STIM1: variants seen among roughly 807,000 people sequenced by gnomAD.
STIM1 encodes the protein stromal interaction molecule 1.
STIM1 carries 25 observed loss-of-function variants against 74.7 expected under a neutral mutation model. The observed-to-expected ratio is 0.33, with a 90% confidence interval of 0.24 to 0.47. STIM1 has a LOEUF of 0.47. Among genes scored for constraint, STIM1 ranks in the 20% least tolerant of loss-of-function variants. The pLI is 1.00. For synonymous variants in STIM1, 328 were observed against 348.8 expected (o/e 0.94, Z 0.66); for missense variants, 728 against 920.8 (o/e 0.79, Z 2.71).
At chr11:3,899,282 T>C (rs1376749360) in intron 1 of STIM1, among the ~76,000 whole-genome samples, 1 of 152,130 alleles carries the variant, frequency 6.6e-6, no homozygotes, top group Non-Finnish European at 1.5e-5. Flanking sequence ...GAAGCAATTG[T>C]GAATGGGAGT....
intron 1 of STIM1, among the ~76,000 whole-genome samples, chr11:3,895,939 C>G (rs1030568011): frequency 2.8e-5 from 4 of 143,920 alleles, no homozygotes; most frequent in African/African-American, 7.9e-5. Flanking sequence ...GAGTCTTGCT[C>G]TGTTGCCCAG....
chr11:3,942,700 T>A (rs1012627325), intron 1 of STIM1, among the ~76,000 whole-genome samples: 1 of 152,226 alleles, frequency 6.6e-6, no homozygotes, highest in African/African-American at 2.4e-5. Context: ...ATCTTTATCT[T>A]TGGCCAGCTG....
Position 4,035,959 on chromosome 11 carries a change from G to A in STIM1, c.385+11972G>A, listed in dbSNP as rs542062773. Reference sequence around the variant, plus strand: ...TGGTGGTTTTCTGCACAGATAACCCGTCACCTAGGTGTTTAGCCCTGCAGC... The same window carrying A: ...TGGTGGTTTTCTGCACAGATAACCCATCACCTAGGTGTTTAGCCCTGCAGC... On this transcript the variant is annotated intron_variant, in intron 3 of 12. Coordinates refer to ENST00000526596, the MANE Select transcript of STIM1 (RefSeq NM_001382567.1). Among the ~76,000 whole-genome samples the A allele has an allele frequency of 4.6e-5, 7 of 150,646 alleles. No individual in the cohort carries two copies. In the East Asian group the frequency reaches 5.9e-4, roughly 13 times the overall value.
At chr11:3,856,633 T>A (rs2135173367) in intron 1 of STIM1, among the ~76,000 whole-genome samples, 1 of 152,356 alleles carries the variant, frequency 6.6e-6, no homozygotes, top group East Asian at 1.9e-4. Context: ...CACTCAGGAT[T>A]TTTTTTGTTG....
chr11:3,885,262 T>C (rs1403784318), intron 1 of STIM1, among the ~76,000 whole-genome samples: 1 of 152,098 alleles, frequency 6.6e-6, no homozygotes, highest in Non-Finnish European at 1.5e-5. Context: ...CACTGCAGCC[T>C]TGACCTCCCG....
chr11:3,989,463 C>A, intron 2 of STIM1: 1 of 689,278 alleles, frequency 1.5e-6, no homozygotes, highest in Non-Finnish European at 2.7e-6. Context: ...TCTTAGGCAT[C>A]CTGGCGGCGT....
At chr11:4,029,080 C>T (rs540902950) in intron 3 of STIM1, among the ~76,000 whole-genome samples, 5 of 151,802 alleles carry the variant, frequency 3.3e-5, no homozygotes, top group African/African-American at 7.2e-5. Context: ...CCCAGCTGCT[C>T]GGGAGATTGA....
intron 2 of STIM1, among the ~76,000 whole-genome samples, chr11:4,007,166 T>C (rs567930639): frequency 6.6e-6 from 1 of 152,284 alleles, no homozygotes; most frequent in African/African-American, 2.4e-5. Flanking sequence ...TACTGACAGC[T>C]GGTAGCTTGG....
intron 2 of STIM1, among the ~76,000 whole-genome samples, chr11:3,970,912 G>A (rs188344429): frequency 7.4e-4 from 113 of 152,254 alleles, no homozygotes; most frequent in Non-Finnish European, 1.2e-3. Flanking sequence ...TAAAATGAGT[G>A]TAGCAAAAAT....
chr11:3,931,381 A>G (rs1369576324), intron 1 of STIM1, among the ~76,000 whole-genome samples: 1 of 152,134 alleles, frequency 6.6e-6, no homozygotes, highest in Non-Finnish European at 1.5e-5. Flanking sequence ...AAACAATAAG[A>G]CGTGGTCCTT....
intron 6 of STIM1, among the ~76,000 whole-genome samples, chr11:4,073,843 G>C (rs1188780163): frequency 6.6e-6 from 1 of 152,098 alleles, no homozygotes; most frequent in Non-Finnish European, 1.5e-5. Flanking sequence ...TGAGTCCTTT[G>C]GCATAAATTT....
chr11:3,863,220 ATGTGTGTGTG>A (rs56737126), intron 1 of STIM1, among the ~76,000 whole-genome samples: 3,212 of 125,822 alleles, frequency 0.026, 79 homozygotes, highest in African/African-American at 0.071. Flanking sequence ...GAGACAATGC[ATGTGTGTGTG>A]TGTGTGTGTG....
chr11:4,087,487 T>C (rs1371869568), intron 12 of STIM1, among the ~76,000 whole-genome samples: 3 of 152,074 alleles, frequency 2.0e-5, no homozygotes, highest in Non-Finnish European at 4.4e-5. Context: ...TACAATATAT[T>C]TGTGGTTAGA....
intron 3 of STIM1, among the ~76,000 whole-genome samples, chr11:4,036,931 G>A (rs2094108264): frequency 6.6e-6 from 1 of 152,232 alleles, no homozygotes; most frequent in Non-Finnish European, 1.5e-5. Context: ...TATCATCGGA[G>A]TGAACAGGCA....
chr11:3,962,409 G>T (rs919479460), intron 1 of STIM1, among the ~76,000 whole-genome samples: 85 of 151,924 alleles, frequency 5.6e-4, no homozygotes, highest in African/African-American at 2.0e-3. Context: ...TGCTGCAAAA[G>T]ACATGATTTC....
chr11:4,061,244 G>C (rs748315284), intron 5 of STIM1, among the ~76,000 whole-genome samples: 1 of 152,154 alleles, frequency 6.6e-6, no homozygotes, highest in Non-Finnish European at 1.5e-5. Context: ...ACATGGTACT[G>C]GGTCCAGGAT....
In STIM1 at chr11:3,967,545, TAC is replaced by T. The variant is rs2093350969; in HGVS notation, c.140-3_140-2del. 6.2e-7 allele frequency: 1 copy of T among 1,614,172 alleles called. No homozygotes were observed. Among genetic ancestry groups the T allele is most frequent in the Non-Finnish European group, 8.5e-7 (1 of 1,180,004 alleles). On this transcript the variant is annotated splice_polypyrimidine_tract_variant and splice_region_variant and intron_variant, in intron 1 of 12. Coordinates refer to ENST00000526596, the MANE Select transcript of STIM1 (RefSeq NM_001382567.1). Reference sequence around the variant, plus strand: ...GAGTAATTTTGTCTCTTGCTTTTCTTACACAGAGTTTTGCCGAATTGACAAGC... The same window carrying T: ...GAGTAATTTTGTCTCTTGCTTTTCTTACAGAGTTTTGCCGAATTGACAAGC...
At chr11:4,084,523 G>T in intron 10 of STIM1, 150 bp from the exon 11 acceptor site, 1 of 446,612 alleles carries the variant, frequency 2.2e-6, no homozygotes, top group South Asian at 1.8e-5. Context: ...TGATCTGAAG[G>T]CTTCTGTGTT....
intron 1 of STIM1, among the ~76,000 whole-genome samples, chr11:3,861,522 C>T (rs574987253): frequency 8.5e-5 from 13 of 152,252 alleles, no homozygotes; most frequent in South Asian, 4.2e-4. Flanking sequence ...CGTGAGCCAC[C>T]GCGCCTGGCC....
Sources: allele counts gnomAD v4.1 joint callset (sites outside exome capture counted in the v4.1 genomes callset), GRCh38; gene constraint gnomAD v4.1.1; transcripts MANE v1.5; gene names NCBI Gene and HGNC (gene_info 2026-07-23, HGNC 2026-07-21).